Variants in RBMS2 observed in about 807,000 individuals in gnomAD.
The protein encoded by RBMS2 is RNA-binding motif, single-stranded-interacting protein 2.
RBMS2 carries 38 observed loss-of-function variants against 58.4 expected under a neutral mutation model. The observed-to-expected ratio is 0.65, with a 90% CI of 0.50 to 0.85. The LOEUF (loss-of-function observed/expected upper bound fraction) is 0.85, where lower values mean the gene tolerates loss of function less well. Ranked by LOEUF, RBMS2 falls within the 40% of genes least tolerant of loss-of-function variation. The pLI is 0.00. For missense variants in RBMS2, 367 were observed against 503.7 expected (o/e 0.73, Z 2.60); for synonymous variants, 151 against 180.7 (o/e 0.84, Z 1.32).
At chr12:56,575,322 A>G (rs1882950671) in intron 5 of RBMS2, among the ~76,000 whole-genome samples, 2 of 152,138 alleles carry the variant, frequency 1.3e-5, no homozygotes, top group African/African-American at 2.4e-5. Flanking sequence ...CTATAGTTCC[A>G]GCTACCTGGG....
intron 1 of RBMS2, among the ~76,000 whole-genome samples, chr12:56,554,585 G>A (rs1298412597): frequency 6.6e-6 from 1 of 152,134 alleles, no homozygotes; most frequent in African/African-American, 2.4e-5. Flanking sequence ...GGGGCCTGTT[G>A]TATGGACAGG....
intron 9 of RBMS2, among the ~76,000 whole-genome samples, chr12:56,585,274 G>C (rs141988318): frequency 6.6e-6 from 1 of 152,306 alleles, no homozygotes; most frequent in African/African-American, 2.4e-5. Flanking sequence ...TTTTCTTTCA[G>C]AGTGTTAACC....
Position 56,570,006 on chromosome 12 carries a change from C to T in RBMS2, c.384+16C>T. On this transcript the variant is annotated intron_variant, in intron 4 of 13. Coordinates refer to ENST00000262031, the MANE Select transcript of RBMS2 (RefSeq NM_002898.4). ...GATGGCAAAGGTAAGGGTACTACCCCATGTCTGTTCCTCCAAGGGGTTTGT... is the reference window on the plus strand; with the variant it reads ...GATGGCAAAGGTAAGGGTACTACCCTATGTCTGTTCCTCCAAGGGGTTTGT... 1 of 1,590,116 alleles carries T rather than the reference C, an allele frequency of 6.3e-7. No individual in the cohort carries two copies. Among genetic ancestry groups the T allele is most frequent in the Non-Finnish European group, 8.6e-7 (1 of 1,158,368 alleles).
intron 1 of RBMS2, among the ~76,000 whole-genome samples, chr12:56,525,873 G>A (rs1872564481): frequency 6.6e-6 from 1 of 151,064 alleles, no homozygotes; most frequent in Non-Finnish European, 1.5e-5. Context: ...ATGTCGGCCA[G>A]GCTGTTCTCG....
upstream of RBMS2, among the ~76,000 whole-genome samples, chr12:56,521,427 CAAAA>C (rs35413431): frequency 1.1e-5 from 1 of 91,312 alleles, no homozygotes; most frequent in Non-Finnish European, 1.9e-5. Flanking sequence ...AACTCTGTCT[CAAAA>C]AAAAAAAAAA....
chr12:56,560,237 A>G (rs1300500168), intron 1 of RBMS2, among the ~76,000 whole-genome samples: 4 of 149,124 alleles, frequency 2.7e-5, no homozygotes, highest in African/African-American at 9.9e-5. Context: ...TTTATGAAAT[A>G]TATATTTATC....
chr12:56,540,514 C>T (rs1468289307), intron 1 of RBMS2, among the ~76,000 whole-genome samples: 1 of 152,064 alleles, frequency 6.6e-6, no homozygotes, highest in African/African-American at 2.4e-5. Context: ...GCCGGGACTA[C>T]AGGTGTACAC....
intron 5 of RBMS2, among the ~76,000 whole-genome samples, chr12:56,576,720 C>A (rs937683055): frequency 6.6e-6 from 1 of 151,792 alleles, no homozygotes; most frequent in Non-Finnish European, 1.5e-5. Flanking sequence ...TGTCATACTT[C>A]TCTGCAACAA....
In RBMS2 at chr12:56,595,898, G is replaced by T. The variant is rs1028530514; in HGVS notation, c.*6765G>T. ...ACGCCGTCTCCCCCTCAGGTGTGTA[G>T]AAGGGAAGATGAATACACAGAGTCT... On this transcript the variant is annotated 3_prime_UTR_variant, in exon 14 of 14. Coordinates refer to ENST00000262031, the MANE Select transcript of RBMS2 (RefSeq NM_002898.4). 1.3e-4 allele frequency: 14 copies of T among 110,436 alleles called. No homozygotes were observed. The highest frequency in any genetic ancestry group is 4.5e-4 in the African/African-American group (14 of 31,298). 6.8% of individuals were successfully genotyped at this position (110,436 alleles called of 1,614,324 possible).
At chr12:56,521,589 A>C (rs938312556), upstream of RBMS2, among the ~76,000 whole-genome samples, 3 of 141,322 alleles carry the variant, frequency 2.1e-5, no homozygotes, top group Non-Finnish European at 4.5e-5. Context: ...TATAGCTGAG[A>C]TCTAAGGGTG....
At chr12:56,521,502 G>GTTTTTTTTTTTTTTTTTTTTTTT (rs68129205), upstream of RBMS2, among the ~76,000 whole-genome samples, 18 of 73,158 alleles carry the variant, frequency 2.5e-4, 1 homozygote, top group African/African-American at 8.8e-4. Context: ...CTCTAACTCT[G>GTTTTTTTTTTTTTTTTTTTTTTT]TTTTTTTTTT....
intron 1 of RBMS2, among the ~76,000 whole-genome samples, chr12:56,557,805 G>C (rs4759249): frequency 0.94 from 139,421 of 148,692 alleles, 65,827 homozygotes; most frequent in East Asian, 1. Context: ...ATGGCGCGAT[G>C]TCAGCTCACC....
intron 1 of RBMS2, among the ~76,000 whole-genome samples, chr12:56,531,816 CAAAA>C (rs58967351): frequency 1.1e-5 from 1 of 88,300 alleles, no homozygotes; most frequent in African/African-American, 4.4e-5. Context: ...GATTCCATTT[CAAAA>C]AAAAAAAAAA....
rs543341057 is a variant in RBMS2 at position 56,556,601 on chromosome 12, C to A, written c.67-5816C>A. On this transcript the variant is annotated intron_variant, in intron 1 of 13. Coordinates refer to ENST00000262031, the MANE Select transcript of RBMS2 (RefSeq NM_002898.4). ...ACGTTGGCCAGACTGGTCTTGAATT[C>A]TTGACCTCAGGTGATCCACCCGCCT... Among the ~76,000 whole-genome samples, 620 of 152,158 alleles carry A rather than the reference C, an allele frequency of 4.1e-3. 4 individuals are homozygous for A. Among genetic ancestry groups the A allele is most frequent in the African/African-American group, 0.014 (597 of 41,544 alleles).
intron 1 of RBMS2, among the ~76,000 whole-genome samples, chr12:56,535,514 A>T (rs962692230): frequency 8.6e-5 from 13 of 150,982 alleles, no homozygotes; most frequent in African/African-American, 3.2e-4. Context: ...AAAAAAAAAA[A>T]TTTATATCCA....
chr12:56,551,732 G>A (rs552243934), intron 1 of RBMS2, among the ~76,000 whole-genome samples: 1 of 152,192 alleles, frequency 6.6e-6, no homozygotes, highest in Non-Finnish European at 1.5e-5. Flanking sequence ...TTACCTGCTT[G>A]ATGTATATAT....
chr12:56,576,171 C>T (rs928836843), intron 5 of RBMS2, among the ~76,000 whole-genome samples: 3 of 151,860 alleles, frequency 2.0e-5, no homozygotes, highest in Admixed American at 1.3e-4. Flanking sequence ...AACCCCATCT[C>T]CATTAAAAAT....
intron 2 of RBMS2, 92 bp downstream of exon 2, chr12:56,562,675 A>G: frequency 7.3e-7 from 1 of 1,362,888 alleles, no homozygotes. Flanking sequence ...CTAGTCTTGA[A>G]CTCCTGGGCT....
chr12:56,559,184 A>C (rs1326559391), intron 1 of RBMS2, among the ~76,000 whole-genome samples: 1 of 146,830 alleles, frequency 6.8e-6, no homozygotes, highest in Admixed American at 6.8e-5. Context: ...ATAAAGAAGG[A>C]CATTTTTTTT....
Sources: allele counts gnomAD v4.1 joint callset (sites outside exome capture counted in the v4.1 genomes callset), GRCh38; gene constraint gnomAD v4.1.1; transcripts MANE v1.5; gene names NCBI Gene and HGNC (gene_info 2026-07-23, HGNC 2026-07-21).